Variants in MTOR observed in about 807,000 individuals in gnomAD.
MTOR encodes serine/threonine-protein kinase mTOR.
Under a neutral mutation model 319.8 loss-of-function variants are expected in MTOR, and 70 were observed. That is an observed-to-expected ratio of 0.22 (90% confidence interval 0.18 to 0.27). The LOEUF (loss-of-function observed/expected upper bound fraction) is 0.27. MTOR is among the 10% of genes least tolerant of loss of function. MTOR has a pLI of 1.00. For synonymous variants in MTOR, 1,183 were observed against 1,211.4 expected, an observed-to-expected ratio of 0.98 and a Z score of 0.49; for missense variants, 1,890 against 3,274.4, an observed-to-expected ratio of 0.58 and a Z score of 10.32.
At chr1:11,118,479 C>A (rs989121820) in intron 49 of MTOR, among the ~76,000 whole-genome samples, 1 of 151,634 alleles carries the variant, frequency 6.6e-6, no homozygotes, top group Non-Finnish European at 1.5e-5. Flanking sequence ...TCGTGATCCG[C>A]CCGCCTCGGC....
At chr1:11,249,588 T>C (rs1649329661) in intron 6 of MTOR, among the ~76,000 whole-genome samples, 1 of 141,872 alleles carries the variant, frequency 7.0e-6, no homozygotes, top group African/African-American at 2.5e-5. Context: ...TTTGTGTCCC[T>C]GGGTACTTGA....
rs1413015085 is a variant in MTOR at position 11,231,381 on chromosome 1, C to G, written c.2568G>C (p.Glu856Asp). 6.2e-7 allele frequency: 1 copy of G among 1,614,210 alleles called. No homozygotes were observed. Among genetic ancestry groups the G allele is most frequent in the Non-Finnish European group, 8.5e-7 (1 of 1,180,038 alleles). The change falls in exon 17 of 58, where the codon GAG becomes GAC. Residue 856 changes from glutamate (E) to aspartate (D), a missense_variant. Physicochemically the swap from Glu to Asp is conservative, Grantham distance 45 (BLOSUM62 2). This residue lies in a region of MTOR where 377 missense variants were observed against 653.9 expected (regional missense o/e 0.58). Transcript: ENST00000361445. Reference sequence around the variant, plus strand: ...GCAAAGTAGGGTACTTCCTGTAGGGCTCTACTACATAGCCAGTGCTGGCCA... The same window carrying G: ...GCAAAGTAGGGTACTTCCTGTAGGGGTCTACTACATAGCCAGTGCTGGCCA... Reference protein sequence around the residue: ...QLVASTGYVVEPYRKYPTLLE... With the variant: ...QLVASTGYVVDPYRKYPTLLE...
At position 11,236,896 on chromosome 1, in the gene MTOR, T is replaced by C. The variant is rs184804192; in HGVS notation, c.2208+947A>G. Among the ~76,000 whole-genome samples the C allele has an allele frequency of 6.1e-3, 922 of 152,334 alleles. 15 individuals are homozygous for C. The highest frequency in any genetic ancestry group is 0.021 in the African/African-American group (875 of 41,572). ...AGGCACTTCTAACGCAGGCCGGCAGTTAAATAAATCATTACGCTAAAAATA... is the reference window on the plus strand; with the variant it reads ...AGGCACTTCTAACGCAGGCCGGCAGCTAAATAAATCATTACGCTAAAAATA... On this transcript the variant is annotated intron_variant, in intron 13 of 57. Coordinates refer to ENST00000361445, the MANE Select transcript of MTOR (RefSeq NM_004958.4).
rs12142905 is a variant in MTOR at position 11,258,926 on chromosome 1, T to C, written c.162+322A>G. Among the ~76,000 whole-genome samples, 9,159 of 152,198 alleles carry C rather than the reference T, an allele frequency of 0.06. 387 individuals are homozygous for C. The highest frequency in any genetic ancestry group is 0.12 in the South Asian group (599 of 4,826). On this transcript the variant is annotated intron_variant, in intron 2 of 57. Transcript: ENST00000361445. ...TTAGAAAGCCCCTAGCTCTCAACTC[T>C]CCAAACCCATCCCAATCACTGTTAT... is the stretch of plus-strand genomic sequence containing the variant.
intron 38 of MTOR, chr1:11,131,013 C>A (rs1245559441): frequency 6.8e-6 from 4 of 591,100 alleles, no homozygotes; most frequent in Non-Finnish European, 8.9e-6. Context: ...AAGGGCACAG[C>A]AAGAGGAGCA....
chr1:11,111,803 AC>A (rs2100299538), intron 54 of MTOR: 1 of 152,312 alleles, frequency 6.6e-6, no homozygotes, highest in South Asian at 2.1e-4. Context: ...TGCTCTGTAA[AC>A]ATTTGTAGAA....
Position 11,199,791 on chromosome 1 carries a change from T to C in MTOR, c.3945-88A>G. The C allele has an allele frequency of 1.4e-6, 2 of 1,448,474 alleles. No homozygotes were observed. The highest frequency in any genetic ancestry group is 1.9e-6 in the Non-Finnish European group (2 of 1,061,192). 89.7% of individuals were successfully genotyped at this position (1,448,474 alleles called of 1,614,324 possible). The stretch of plus-strand genomic sequence containing the variant: ...CACACCTATCAATTCGCTTTTGGCA[T>C]CACTGATTTTGGTTATACAAACCAG... On this transcript the variant is annotated intron_variant, in intron 26 of 57. Coordinates refer to ENST00000361445, the MANE Select transcript of MTOR (RefSeq NM_004958.4). This position sits in a 1 kb window ranked among gnomAD's most constrained non-coding sequence, Gnocchi z 4.5.
chr1:11,258,724 G>T, intron 2 of MTOR, 131 bp from the exon 3 acceptor site: 2 of 629,800 alleles, frequency 3.2e-6, no homozygotes, highest in Non-Finnish European at 5.5e-6. Flanking sequence ...ACAAGTTACT[G>T]CCCATTTCTA....
chr1:11,113,068 G>T, intron 53 of MTOR, 151 bp from the exon 54 acceptor site: 1 of 785,412 alleles, frequency 1.3e-6, no homozygotes, highest in Non-Finnish European at 2.1e-6. Flanking sequence ...GGAATAAGTG[G>T]GTGGGTATTA....
At chr1:11,119,573 GAAAAAAAAAAAAAA>G (rs555425607) in intron 49 of MTOR, among the ~76,000 whole-genome samples, 4 of 24,864 alleles carry the variant, frequency 1.6e-4, no homozygotes, top group Non-Finnish European at 2.8e-4. Flanking sequence ...TCCGTCTCGA[GAAAAAAAAAAAAAA>G]AAAAAAAAAA....
At chr1:11,185,249 C>CT (rs111731836) in intron 28 of MTOR, among the ~76,000 whole-genome samples, 9,419 of 139,360 alleles carry the variant, frequency 0.068, 411 homozygotes, top group South Asian at 0.13. Flanking sequence ...ATCAGAGAGA[C>CT]TTTTTTTTTT....
chr1:11,125,327 C>T (rs1027436726), intron 46 of MTOR, among the ~76,000 whole-genome samples: 2 of 152,212 alleles, frequency 1.3e-5, no homozygotes, highest in African/African-American at 4.8e-5. Context: ...GCCTGACCCA[C>T]ATTTTGTATC....
intron 28 of MTOR, among the ~76,000 whole-genome samples, chr1:11,173,363 C>T (rs962575208): frequency 2.6e-5 from 4 of 151,998 alleles, no homozygotes; most frequent in Non-Finnish European, 5.9e-5. Context: ...CGATCTCAGG[C>T]CACTGCAACC....
chr1:11,225,206 T>C (rs530607089), intron 19 of MTOR, among the ~76,000 whole-genome samples: 1 of 152,268 alleles, frequency 6.6e-6, no homozygotes, highest in East Asian at 1.9e-4. Flanking sequence ...TGTAAATAAA[T>C]AAATAAATTT....
intron 36 of MTOR, among the ~76,000 whole-genome samples, chr1:11,137,229 T>C (rs1643473724): frequency 6.7e-6 from 1 of 148,458 alleles, no homozygotes; most frequent in Non-Finnish European, 1.5e-5. Context: ...GATAACTCAG[T>C]GTGATCATTG....
intron 23 of MTOR, 40 bp from the exon 24 acceptor site, chr1:11,210,946 G>C: frequency 7.9e-7 from 1 of 1,267,628 alleles, no homozygotes; most frequent in Non-Finnish European, 1.1e-6. Context: ...CTATCATTTT[G>C]GAGAGTGGAG....
In MTOR at chr1:11,109,207, T is replaced by C; in HGVS notation, c.7528+83A>G. The C allele has an allele frequency of 7.9e-7, 1 of 1,270,716 alleles. No individual in the cohort carries two copies. Among genetic ancestry groups the C allele is most frequent in the Non-Finnish European group, 1.1e-6 (1 of 890,580 alleles). The allele number at this position is 1,270,716 out of a possible 1,614,324, so 78.7% of individuals were successfully genotyped here. On this transcript the variant is annotated intron_variant, in intron 56 of 57. Transcript: ENST00000361445. This position sits in a 1 kb window ranked among gnomAD's most constrained non-coding sequence, Gnocchi z 4.0. ...TGCCAAAGCTCGTCACTAACACCAC[T>C]GGACATGGGGCTGACCACCACTCAG...
At chr1:11,169,719 A>G (rs376364998) in intron 28 of MTOR, among the ~76,000 whole-genome samples, 34 of 152,340 alleles carry the variant, frequency 2.2e-4, no homozygotes, top group African/African-American at 8.2e-4. Flanking sequence ...TTTTAGGTAC[A>G]TAGTAGGACA....
chr1:11,147,418 G>A (rs1271476319), intron 31 of MTOR, among the ~76,000 whole-genome samples: 1 of 152,196 alleles, frequency 6.6e-6, no homozygotes, highest in Non-Finnish European at 1.5e-5. Context: ...TCCGGGAAGA[G>A]GTATTCACTT....
Sources: allele counts gnomAD v4.1 joint callset (sites outside exome capture counted in the v4.1 genomes callset), GRCh38; gene constraint gnomAD v4.1.1; regional missense constraint gnomAD v4.1.1; non-coding constraint Gnocchi (gnomAD v3.1); transcripts MANE v1.5; gene names NCBI Gene and HGNC (gene_info 2026-07-23, HGNC 2026-07-21).